Variants in DOK6 observed in about 807,000 individuals in gnomAD.
DOK6 encodes the protein downstream of tyrosine kinase 6.
DOK6 carries 22 observed loss-of-function variants against 44.0 expected under a neutral mutation model. That is an observed-to-expected ratio of 0.50 (90% CI 0.36 to 0.71). DOK6 has a LOEUF of 0.71. Among genes scored for constraint, DOK6 ranks in the 30% least tolerant of loss-of-function variants. The pLI is 0.00. For synonymous variants in DOK6, 166 were observed against 145.5 expected (o/e 1.14, Z -1.01); for missense variants, 340 against 416.4 (o/e 0.82, Z 1.60).
intron 7 of DOK6, among the ~76,000 whole-genome samples, chr18:69,790,121 G>A (rs1407470537): frequency 1.3e-5 from 2 of 152,102 alleles, no homozygotes; most frequent in African/African-American, 4.8e-5. Context: ...AGGAGAGGAT[G>A]TCTCTTAATC....
chr18:69,517,186 T>G (rs1339568489), intron 1 of DOK6, among the ~76,000 whole-genome samples: 4 of 152,158 alleles, frequency 2.6e-5, no homozygotes, highest in South Asian at 2.1e-4. Context: ...TAAGTCAGAA[T>G]AGAGTCAAAG....
chr18:69,534,505 T>A (rs1207485069), intron 1 of DOK6, among the ~76,000 whole-genome samples: 5 of 152,256 alleles, frequency 3.3e-5, no homozygotes, highest in South Asian at 2.1e-4. Flanking sequence ...AAATTTTTTT[T>A]AATTTTCTTA....
At position 69,667,853 on chromosome 18, in the gene DOK6, A is replaced by T. The variant is rs576230256; in HGVS notation, c.290-9881A>T. On this transcript the variant is annotated intron_variant, in intron 3 of 7. Coordinates refer to ENST00000382713, the MANE Select transcript of DOK6 (RefSeq NM_152721.6). ...ATTTAGTTCCGTGACTTTAAAAGGA[A>T]TCAATATACTGTTGACTCCCACATT... is the stretch of plus-strand genomic sequence containing the variant. Among the ~76,000 whole-genome samples, 25 of 152,242 alleles carry T rather than the reference A, an allele frequency of 1.6e-4. No homozygotes were observed. In the South Asian group the frequency reaches 5.2e-3, roughly 32 times the overall value.
At chr18:69,616,025 A>C (rs1459871688) in intron 3 of DOK6, among the ~76,000 whole-genome samples, 1 of 152,230 alleles carries the variant, frequency 6.6e-6, no homozygotes, top group Non-Finnish European at 1.5e-5. Flanking sequence ...TAAACAACTA[A>C]TTTAAGGATA....
At chr18:69,497,805 A>G (rs12051972) in intron 1 of DOK6, among the ~76,000 whole-genome samples, 48,525 of 152,058 alleles carry the variant, frequency 0.32, 8,902 homozygotes, top group Non-Finnish European at 0.42. Context: ...AAAACTTGAG[A>G]TGTGTTACTT....
intron 1 of DOK6, among the ~76,000 whole-genome samples, chr18:69,464,335 G>A (rs956600468): frequency 1.3e-5 from 2 of 152,136 alleles, no homozygotes; most frequent in African/African-American, 4.8e-5. Flanking sequence ...ACAGTGGAGT[G>A]GGTATGTTTG....
At chr18:69,803,748 A>G (rs2145108550) in intron 7 of DOK6, among the ~76,000 whole-genome samples, 1 of 152,062 alleles carries the variant, frequency 6.6e-6, no homozygotes, top group African/African-American at 2.4e-5. Flanking sequence ...AGTCCCAGCT[A>G]CTCGGGAGGC....
intron 7 of DOK6, among the ~76,000 whole-genome samples, chr18:69,809,483 T>C (rs1019038792): frequency 3.3e-5 from 5 of 151,048 alleles, no homozygotes; most frequent in African/African-American, 9.7e-5. Flanking sequence ...GGGCATTGAA[T>C]TGAAAAGGAA....
intron 1 of DOK6, among the ~76,000 whole-genome samples, chr18:69,448,937 T>C (rs973516981): frequency 6.6e-6 from 1 of 152,220 alleles, no homozygotes; most frequent in Non-Finnish European, 1.5e-5. Context: ...ATGCATGTTA[T>C]ATAGAGAGTC....
chr18:69,586,048 T>A (rs1439722724), intron 2 of DOK6, among the ~76,000 whole-genome samples: 1 of 152,220 alleles, frequency 6.6e-6, no homozygotes, highest in East Asian at 1.9e-4. Context: ...AGGTCAGCAA[T>A]CCTGGCCAAC....
intron 5 of DOK6, among the ~76,000 whole-genome samples, chr18:69,717,169 G>A (rs1023372240): frequency 6.6e-6 from 1 of 152,206 alleles, no homozygotes; most frequent in Non-Finnish European, 1.5e-5. Flanking sequence ...CAGGTGGAGA[G>A]ATTGACTCGT....
intron 1 of DOK6, among the ~76,000 whole-genome samples, chr18:69,509,598 G>A (rs564098241): frequency 5.6e-4 from 75 of 133,198 alleles, no homozygotes; most frequent in Middle Eastern, 4.8e-3. Context: ...AGATCGCGCC[G>A]CTGCACTCCA....
intron 2 of DOK6, among the ~76,000 whole-genome samples, chr18:69,576,208 A>G (rs1568301123): frequency 1.3e-5 from 2 of 152,048 alleles, no homozygotes; most frequent in Non-Finnish European, 2.9e-5. Flanking sequence ...CAGTCCAAAT[A>G]TTGGATCTCC....
At chr18:69,698,880 A>G (rs554986954) in intron 5 of DOK6, among the ~76,000 whole-genome samples, 2 of 152,308 alleles carry the variant, frequency 1.3e-5, no homozygotes, top group East Asian at 3.9e-4. Flanking sequence ...TATGTTTTGC[A>G]AGATTATTAC....
At chr18:69,409,458 T>C (rs1195949642) in intron 1 of DOK6, among the ~76,000 whole-genome samples, 1 of 152,234 alleles carries the variant, frequency 6.6e-6, no homozygotes, top group African/African-American at 2.4e-5. Context: ...TATATACATA[T>C]ATAATGTGCT....
chr18:69,545,242 T>C (rs1599183907), intron 1 of DOK6, among the ~76,000 whole-genome samples: 1 of 151,308 alleles, frequency 6.6e-6, no homozygotes, highest in East Asian at 1.9e-4. Context: ...GCTGGGAACT[T>C]GAAGGGTGTA....
intron 2 of DOK6, among the ~76,000 whole-genome samples, chr18:69,565,237 T>C (rs1338347492): frequency 6.6e-6 from 1 of 152,326 alleles, no homozygotes; most frequent in Non-Finnish European, 1.5e-5. Flanking sequence ...TGTTGCTTAA[T>C]TGGTAGAATG....
intron 7 of DOK6, among the ~76,000 whole-genome samples, chr18:69,828,699 T>C (rs9989610): frequency 0.05 from 7,525 of 151,126 alleles, 250 homozygotes; most frequent in East Asian, 0.087. Flanking sequence ...AACCTACCAG[T>C]CTTTTTATAA....
Position 69,843,251 on chromosome 18 carries a change from C to A in DOK6, c.*1868C>A, listed in dbSNP as rs748130427. ...TGCACTGTGAATTTTGCTGACACAG[C>A]GGAGGAGCAGATGACTGGTTCCTAC... On this transcript the variant is annotated 3_prime_UTR_variant, in exon 8 of 8. Coordinates refer to ENST00000382713, the MANE Select transcript of DOK6 (RefSeq NM_152721.6). 6.6e-6 allele frequency: 1 copy of A among 152,206 alleles called. No homozygotes were observed. The highest frequency in any genetic ancestry group is 1.5e-5 in the Non-Finnish European group (1 of 68,048). 9.4% of individuals were successfully genotyped at this position (152,206 alleles called of 1,614,324 possible).
Sources: gnomAD v4.1 joint callset for allele counts (sites outside exome capture counted in the v4.1 genomes callset) on GRCh38, gnomAD v4.1.1 for gene constraint, MANE v1.5 for transcripts, NCBI Gene and HGNC (gene_info 2026-07-23, HGNC 2026-07-21) for gene names.